CLTC: variants seen among roughly 807,000 people sequenced by gnomAD.
CLTC encodes clathrin heavy chain 1.
A neutral mutation model predicts 195.8 loss-of-function variants in CLTC; 16 were observed. The ratio of observed to expected loss-of-function variants is 0.08; its 90% CI spans 0.06 to 0.12. CLTC has a LOEUF of 0.12. Ranked by LOEUF, CLTC falls within the 10% of genes least tolerant of loss-of-function variation. The pLI, the probability that CLTC is intolerant of heterozygous loss-of-function variation, is 1.00. For missense variants in CLTC, 796 were observed against 2,027.0 expected, an observed-to-expected ratio of 0.39 and a Z score of 11.66; for synonymous variants, 667 against 689.4, an observed-to-expected ratio of 0.97 and a Z score of 0.51.
In CLTC at chr17:59,685,480, C is replaced by T; in HGVS notation, c.4606-107C>T. ...ATGATACAACTAGGAGGCTTTTTTC[C>T]CCTTGCAAAACCAGATTTATATTGG... On this transcript the variant is annotated intron_variant, in intron 29 of 31. Coordinates refer to ENST00000269122, the MANE Select transcript of CLTC (RefSeq NM_004859.4). This position sits in a 1 kb window ranked among gnomAD's most constrained non-coding sequence, Gnocchi z 5.0. The T allele has an allele frequency of 9.5e-7, 1 of 1,055,134 alleles. No homozygotes were observed. 65.4% of individuals were successfully genotyped at this position (1,055,134 alleles called of 1,614,324 possible).
chr17:59,656,258 G>T, intron 6 of CLTC: 1 of 378,786 alleles, frequency 2.6e-6, no homozygotes, highest in Non-Finnish European at 4.7e-6. Flanking sequence ...AAATAGAGAT[G>T]TGTATGAATA....
intron 1 of CLTC, among the ~76,000 whole-genome samples, chr17:59,637,979 A>G (rs955823220): frequency 2.8e-5 from 3 of 105,572 alleles, no homozygotes; most frequent in African/African-American, 8.0e-5. Flanking sequence ...CCCAACAAAA[A>G]CAAACTTTAA....
chr17:59,677,472 C>T (rs1438156156), intron 17 of CLTC, among the ~76,000 whole-genome samples: 1 of 152,194 alleles, frequency 6.6e-6, no homozygotes, highest in Non-Finnish European at 1.5e-5. Flanking sequence ...TGTGTATACA[C>T]ACACATACTA....
intron 3 of CLTC, 68 bp downstream of exon 3, chr17:59,647,734 A>G: frequency 7.2e-7 from 1 of 1,389,196 alleles, no homozygotes; most frequent in Admixed American, 1.9e-5. Flanking sequence ...ATGCAGTTTG[A>G]TTTTGAAATT....
chr17:59,677,229 T>A (rs768066994), intron 17 of CLTC, 41 bp downstream of exon 17: 1 of 1,472,352 alleles, frequency 6.8e-7, no homozygotes, highest in Non-Finnish European at 9.5e-7. Context: ...GCTGCATTTT[T>A]AAAAACCTGT....
At chr17:59,692,739 T>G (rs1333914194) in intron 31 of CLTC, among the ~76,000 whole-genome samples, 1 of 152,070 alleles carries the variant, frequency 6.6e-6, no homozygotes, top group Non-Finnish European at 1.5e-5. Flanking sequence ...TGGGTTCAAG[T>G]GATTCTCCTG....
intron 8 of CLTC, among the ~76,000 whole-genome samples, chr17:59,663,503 A>T (rs996653488): frequency 2.6e-5 from 4 of 152,200 alleles, no homozygotes; most frequent in African/African-American, 9.7e-5. Context: ...ATGTGATGTG[A>T]GTCTGATATC....
At chr17:59,651,381 C>T in intron 5 of CLTC, 65 bp downstream of exon 5, 2 of 1,043,206 alleles carry the variant, frequency 1.9e-6, no homozygotes, top group Non-Finnish European at 3.0e-6. Flanking sequence ...AACCCAAAGA[C>T]TATTCATGGT....
At chr17:59,644,234 T>C in intron 1 of CLTC, 42 bp from the exon 2 acceptor site, 1 of 1,545,412 alleles carries the variant, frequency 6.5e-7, no homozygotes, top group East Asian at 2.2e-5. Context: ...GTCAAGTCTT[T>C]GGAATCCACT....
At chr17:59,653,030 T>C (rs1483772616) in intron 5 of CLTC, among the ~76,000 whole-genome samples, 11 of 152,232 alleles carry the variant, frequency 7.2e-5, no homozygotes, top group African/African-American at 1.4e-4. Flanking sequence ...AATCAACTTA[T>C]GCTACCTTCA....
rs781447916 is a variant in CLTC at position 59,682,592 on chromosome 17, A to C, written c.3601-37A>C. 1 of 1,610,034 alleles carries C rather than the reference A, an allele frequency of 6.2e-7. No individual in the cohort carries two copies. The highest frequency in any genetic ancestry group is 8.5e-7 in the Non-Finnish European group (1 of 1,177,070). On this transcript the variant is annotated intron_variant, in intron 22 of 31. Transcript: ENST00000269122. This position sits in a 1 kb window ranked among gnomAD's most constrained non-coding sequence, Gnocchi z 6.8. The stretch of plus-strand genomic sequence containing the variant: ...TGAAAAGAGGATTAAGCTCACACTA[A>C]TATCTTGCTGAATGTGGGTTACCTT...
Position 59,676,983 on chromosome 17 carries a change from C to T in CLTC, c.2591C>T (p.Ala864Val). ...AAACTGCTTCTGCCTTGGCTAGAGG[C>T]CAGAATTCATGAGGGCTGTGAGGAG... Reference protein sequence around the residue: ...RLKLLLPWLEARIHEGCEEPA... With the variant: ...RLKLLLPWLEVRIHEGCEEPA... Residue 864 changes from alanine to valine, a missense_variant, in exon 17 of 32, where the codon GCC (alanine) becomes GTC (valine). Around this residue, in one of 9 missense-constraint regions of CLTC, gnomAD observed 160 missense variants for 448.2 expected, o/e 0.36. Transcript: ENST00000269122. The T allele has an allele frequency of 6.8e-6, 11 of 1,614,026 alleles. No individual in the cohort carries two copies. The highest frequency in any genetic ancestry group is 9.3e-6 in the Non-Finnish European group (11 of 1,179,990).
In CLTC at chr17:59,648,651, A is replaced by C. The variant is rs1161746827; in HGVS notation, c.681+250A>C. ...TAAAGTGCACATTTATATGCTGTAC[A>C]TCTAGAGAGTTTGATTTAGTAGGTG... On this transcript the variant is annotated intron_variant, in intron 4 of 31. Coordinates refer to ENST00000269122, the MANE Select transcript of CLTC (RefSeq NM_004859.4). This position sits in a 1 kb window ranked among gnomAD's most constrained non-coding sequence, Gnocchi z 4.5. The C allele has an allele frequency of 2.7e-6, 1 of 363,696 alleles. No individual in the cohort carries two copies. 22.5% of individuals were successfully genotyped at this position (363,696 alleles called of 1,614,324 possible).
chr17:59,663,105 C>T (rs1028591911), intron 8 of CLTC, among the ~76,000 whole-genome samples: 1 of 152,166 alleles, frequency 6.6e-6, no homozygotes, highest in Non-Finnish European at 1.5e-5. Flanking sequence ...AGATTATCGA[C>T]TCTGATACAA....
chr17:59,693,375 TTTTTTA>T (rs2033352852), intron 31 of CLTC, among the ~76,000 whole-genome samples: 1 of 151,494 alleles, frequency 6.6e-6, no homozygotes, highest in South Asian at 2.1e-4. Flanking sequence ...TTTTTTTTTT[TTTTTTA>T]AAAAGTCTTT....
In CLTC at chr17:59,685,659, G is replaced by A. The variant is rs752916649; in HGVS notation, c.4678G>A (p.Glu1560Lys). The stretch of plus-strand genomic sequence containing the variant: ...AGAACTCCTGCAGTGGTTTTTGCAG[G>A]AAGAAAAAAGAGAGTGCTTTGGAGC... ...AEELLQWFLQ[E>K]EKRECFGACL... Residue 1560 changes from glutamate (E) to lysine (K), a missense_variant, in exon 30 of 32, where the codon GAA becomes AAA. Physicochemically the swap from Glu to Lys is moderately conservative, Grantham distance 56. Coordinates refer to ENST00000269122, the MANE Select transcript of CLTC (RefSeq NM_004859.4). The surrounding 1 kb of genome is among the most constrained non-coding windows in gnomAD (Gnocchi z 5.0). 21 of 1,613,890 alleles carry A rather than the reference G, an allele frequency of 1.3e-5. No individual in the cohort carries two copies. Among genetic ancestry groups the A allele is most frequent in the Non-Finnish European group, 1.7e-5 (20 of 1,179,960 alleles).
In CLTC at chr17:59,691,633, AT is replaced by A. The variant is rs200719896; in HGVS notation, c.4903+923del. The stretch of plus-strand genomic sequence containing the variant: ...AGCAAGACTCCGCCTTAAAAAAAAA[AT>A]ATATATATATATATACATATATATA... On this transcript the variant is annotated intron_variant, in intron 31 of 31. Coordinates refer to ENST00000269122, the MANE Select transcript of CLTC (RefSeq NM_004859.4). Among the ~76,000 whole-genome samples, 366 of 129,320 alleles carry A rather than the reference AT, an allele frequency of 2.8e-3. 2 individuals are homozygous for A. The highest frequency in any genetic ancestry group is 0.01 in the African/African-American group (320 of 30,746). 84.8% of individuals were successfully genotyped at this position (129,320 alleles called of 152,430 possible). A position where few individuals can be genotyped will look rare whatever the true frequency, so the allele number is the denominator to read the frequency against.
At chr17:59,643,129 T>TGG (rs71370109) in intron 1 of CLTC, among the ~76,000 whole-genome samples, 8,000 of 128,708 alleles carry the variant, frequency 0.062, 301 homozygotes, top group Middle Eastern at 0.081. Flanking sequence ...TTTTCTTTTC[T>TGG]GGGGTGTGTG....
At chr17:59,669,940 A>G (rs2032810245) in intron 14 of CLTC, among the ~76,000 whole-genome samples, 1 of 152,216 alleles carries the variant, frequency 6.6e-6, no homozygotes, top group Admixed American at 6.5e-5. Context: ...TCTAGATTAA[A>G]TAGCAAAACC....
Sources: gnomAD v4.1 joint callset for allele counts (sites outside exome capture counted in the v4.1 genomes callset) on GRCh38, gnomAD v4.1.1 for gene constraint, gnomAD v4.1.1 regional missense constraint, Gnocchi (gnomAD v3.1) non-coding constraint, MANE v1.5 for transcripts, NCBI Gene and HGNC (gene_info 2026-07-23, HGNC 2026-07-21) for gene names.